Variants in LTBP1 observed in about 807,000 individuals in gnomAD.
The protein encoded by LTBP1 is latent-transforming growth factor beta-binding protein 1.
In LTBP1, 129 loss-of-function variants were observed where a neutral mutation model predicts 207.6. That is an observed-to-expected ratio of 0.62 (90% CI 0.54 to 0.72). The LOEUF is 0.72. LTBP1 is among the 30% of genes least tolerant of loss of function. The probability of loss-of-function intolerance (pLI) is 0.00; values close to 1 mark genes in which losing one functional copy is unlikely to be tolerated. For synonymous variants in LTBP1, 963 were observed against 833.7 expected, an observed-to-expected ratio of 1.16 and a Z score of -2.67; for missense variants, 2,281 against 2,217.2, an observed-to-expected ratio of 1.03 and a Z score of -0.58.
At chr2:33,062,537 T>G (rs1654522072) in intron 3 of LTBP1, among the ~76,000 whole-genome samples, 1 of 152,182 alleles carries the variant, frequency 6.6e-6, no homozygotes. Context: ...TTGTTCAGGA[T>G]CATTTGTTGA....
At chr2:33,208,403 A>G (rs982520451) in intron 7 of LTBP1, among the ~76,000 whole-genome samples, 1 of 152,180 alleles carries the variant, frequency 6.6e-6, no homozygotes, top group Non-Finnish European at 1.5e-5. Flanking sequence ...GAATCGAGCC[A>G]TTTAAGAGCT....
intron 4 of LTBP1, among the ~76,000 whole-genome samples, chr2:33,129,642 G>C (rs1029177222): frequency 6.6e-6 from 1 of 152,036 alleles, no homozygotes; most frequent in Non-Finnish European, 1.5e-5. Flanking sequence ...AATTAAAAAT[G>C]GTTTTACTTT....
intron 3 of LTBP1, among the ~76,000 whole-genome samples, chr2:33,023,275 T>C (rs2075260969): frequency 6.6e-6 from 1 of 152,262 alleles, no homozygotes; most frequent in East Asian, 1.9e-4. Context: ...TTATTCATCT[T>C]CAATATCACC....
At chr2:33,189,992 G>A (rs533931600) in intron 7 of LTBP1, among the ~76,000 whole-genome samples, 5 of 152,196 alleles carry the variant, frequency 3.3e-5, no homozygotes, top group Admixed American at 2.0e-4. Flanking sequence ...ATACCACTGC[G>A]CTCCAGCCTG....
rs558944410 is a variant in LTBP1, at chr2:33,035,052, A to G, written c.863+13846A>G. On this transcript the variant is annotated intron_variant, in intron 3 of 33. Coordinates refer to ENST00000404816, the MANE Select transcript of LTBP1 (RefSeq NM_206943.4). ...ACCACCTTCTTTGCTCATTGTGCAT[A>G]ATTGCCTTTCTTTGGATGCCGTAGC... is the stretch of plus-strand genomic sequence containing the variant. Among the ~76,000 whole-genome samples the G allele has an allele frequency of 3.8e-4, 58 of 152,262 alleles. No homozygotes were observed. The South Asian group carries it at 0.011, about 30-fold the overall frequency.
At chr2:33,255,509 G>A (rs1188060869) in intron 11 of LTBP1, among the ~76,000 whole-genome samples, 1 of 152,140 alleles carries the variant, frequency 6.6e-6, no homozygotes, top group Non-Finnish European at 1.5e-5. Context: ...TATAAATCAT[G>A]CTGCTATAAA....
intron 3 of LTBP1, among the ~76,000 whole-genome samples, chr2:33,047,057 A>T (rs561782075): frequency 2.4e-4 from 36 of 152,168 alleles, no homozygotes; most frequent in African/African-American, 8.4e-4. Flanking sequence ...TCTTTTCCAA[A>T]AACCAGCTCC....
chr2:33,195,896 C>G (rs867968073), intron 7 of LTBP1, among the ~76,000 whole-genome samples: 5 of 152,270 alleles, frequency 3.3e-5, no homozygotes, highest in Middle Eastern at 6.8e-3. Context: ...AACCCCCATC[C>G]TGATTGGTTG....
intron 23 of LTBP1, among the ~76,000 whole-genome samples, chr2:33,311,371 A>G (rs890056330): frequency 2.0e-5 from 3 of 152,162 alleles, no homozygotes; most frequent in Admixed American, 2.0e-4. Context: ...CTCATGCAAT[A>G]AGGTGAAATT....
intron 3 of LTBP1, among the ~76,000 whole-genome samples, chr2:33,030,983 T>C (rs1045550420): frequency 6.6e-6 from 1 of 152,226 alleles, no homozygotes; most frequent in Admixed American, 6.5e-5. Flanking sequence ...CATGTGCTTA[T>C]AATTTTCTTT....
At chr2:33,179,410 G>C (rs935631631) in intron 5 of LTBP1, among the ~76,000 whole-genome samples, 8 of 151,804 alleles carry the variant, frequency 5.3e-5, no homozygotes, top group African/African-American at 1.9e-4. Context: ...AGAATGAAAC[G>C]ATAATGTATT....
At chr2:33,217,240 A>G (rs1415503404) in intron 7 of LTBP1, among the ~76,000 whole-genome samples, 1 of 152,176 alleles carries the variant, frequency 6.6e-6, no homozygotes, top group Non-Finnish European at 1.5e-5. Context: ...TTGATCTTAC[A>G]CACTATGAGG....
chr2:33,281,853 T>C (rs1463474477), intron 19 of LTBP1, among the ~76,000 whole-genome samples: 1 of 152,150 alleles, frequency 6.6e-6, no homozygotes, highest in Non-Finnish European at 1.5e-5. Flanking sequence ...TACTTGCCTA[T>C]CAAGGTTCCA....
chr2:33,144,013 G>A (rs1360461205), intron 5 of LTBP1, among the ~76,000 whole-genome samples: 1 of 151,906 alleles, frequency 6.6e-6, no homozygotes, highest in Non-Finnish European at 1.5e-5. Context: ...GGTGCATATG[G>A]ACTCCTTGGA....
chr2:33,206,084 G>T (rs1235888649), intron 7 of LTBP1, among the ~76,000 whole-genome samples: 1 of 152,184 alleles, frequency 6.6e-6, no homozygotes, highest in Non-Finnish European at 1.5e-5. Flanking sequence ...CATAGTTTTG[G>T]AGCTGGGAAA....
intron 2 of LTBP1, among the ~76,000 whole-genome samples, chr2:32,964,182 A>G (rs577391887): frequency 2.0e-5 from 3 of 152,262 alleles, no homozygotes; most frequent in East Asian, 3.9e-4. Context: ...GGAGGAATGC[A>G]TCATATGTTT....
chr2:33,162,696 A>G (rs1558732538), intron 5 of LTBP1, among the ~76,000 whole-genome samples: 1 of 152,212 alleles, frequency 6.6e-6, no homozygotes, highest in Non-Finnish European at 1.5e-5. Context: ...TTATCCAGTG[A>G]TAGTAGAAGC....
At chr2:33,331,181 ATGTGGATT>A (rs2094490168) in intron 24 of LTBP1, among the ~76,000 whole-genome samples, 1 of 151,632 alleles carries the variant, frequency 6.6e-6, no homozygotes, top group East Asian at 1.9e-4. Context: ...GAAACAACTT[ATGTGGATT>A]TGTTTCCTTT....
chr2:33,282,676 C>T (rs1419624455), intron 19 of LTBP1, among the ~76,000 whole-genome samples: 1 of 152,124 alleles, frequency 6.6e-6, no homozygotes, highest in Non-Finnish European at 1.5e-5. Context: ...GAGTTGAGCT[C>T]ATCACTAACA....
Sources: allele counts gnomAD v4.1 joint callset (sites outside exome capture counted in the v4.1 genomes callset), GRCh38; gene constraint gnomAD v4.1.1; transcripts MANE v1.5; gene names NCBI Gene and HGNC (gene_info 2026-07-23, HGNC 2026-07-21).